Variants in ZFYVE27 observed in about 807,000 individuals in gnomAD.
ZFYVE27 encodes zinc finger FYVE-type containing 27, also known as protrudin.
In ZFYVE27, 36 loss-of-function variants were observed where a neutral mutation model predicts 52.8. That is an observed-to-expected ratio of 0.68 (90% CI 0.52 to 0.90). The LOEUF is 0.90. Among genes scored for constraint, ZFYVE27 ranks in the 40% least tolerant of loss-of-function variants. The pLI, the probability that ZFYVE27 is intolerant of heterozygous loss-of-function variation, is 0.00. For missense variants in ZFYVE27, 450 were observed against 527.2 expected, an observed-to-expected ratio of 0.85 and a Z score of 1.43; for synonymous variants, 223 against 215.6, an observed-to-expected ratio of 1.03 and a Z score of -0.30.
intron 2 of ZFYVE27, 59 bp downstream of exon 2, chr10:97,738,733 T>C: frequency 6.3e-7 from 1 of 1,587,552 alleles, no homozygotes; most frequent in Non-Finnish European, 8.6e-7. Flanking sequence ...TGCTCTGTAG[T>C]AACTAACACT....
intron 3 of ZFYVE27, among the ~76,000 whole-genome samples, chr10:97,743,904 A>G (rs1463168233): frequency 6.6e-6 from 1 of 152,218 alleles, no homozygotes; most frequent in African/African-American, 2.4e-5. Flanking sequence ...TCAGGGTGAG[A>G]ATAAAGAGTC....
At chr10:97,752,058 T>A (rs966003226) in intron 8 of ZFYVE27, among the ~76,000 whole-genome samples, 1 of 152,216 alleles carries the variant, frequency 6.6e-6, no homozygotes, top group African/African-American at 2.4e-5. Context: ...CTGGTAGTCC[T>A]GAGTCTGCAG....
At chr10:97,749,014 G>C (rs1236811163) in intron 5 of ZFYVE27, among the ~76,000 whole-genome samples, 1 of 152,122 alleles carries the variant, frequency 6.6e-6, no homozygotes, top group African/African-American at 2.4e-5. Context: ...TGTTCACCTG[G>C]TGCCAGGCAC....
At chr10:97,739,696 G>A (rs1193484756) in intron 2 of ZFYVE27, among the ~76,000 whole-genome samples, 3 of 152,096 alleles carry the variant, frequency 2.0e-5, no homozygotes, top group Admixed American at 1.3e-4. Flanking sequence ...TGCATTGTTT[G>A]TACTTATTAT....
intron 8 of ZFYVE27, 103 bp downstream of exon 8, chr10:97,751,565 A>G: frequency 8.7e-7 from 1 of 1,147,614 alleles, no homozygotes; most frequent in Non-Finnish European, 1.3e-6. Context: ...TGAGAAGCTA[A>G]AACTTGCTGT....
chr10:97,749,322 G>A (rs954835197), intron 5 of ZFYVE27, 152 bp from the exon 6 acceptor site: 28 of 703,206 alleles, frequency 4.0e-5, no homozygotes, highest in Admixed American at 1.2e-4. Flanking sequence ...AGTCTTCATC[G>A]CCATTTTCCG....
At chr10:97,748,461 C>A in intron 5 of ZFYVE27, 97 bp downstream of exon 5, 1 of 1,257,560 alleles carries the variant, frequency 8.0e-7, no homozygotes, top group Non-Finnish European at 1.1e-6. Context: ...GCCCCTCTTA[C>A]CTCAGGGGAA....
At chr10:97,744,700 T>C in intron 3 of ZFYVE27, 29 bp from the exon 4 acceptor site, 1 of 1,612,134 alleles carries the variant, frequency 6.2e-7, no homozygotes, top group Non-Finnish European at 8.5e-7. Flanking sequence ...TGCTTACCTG[T>C]GTTACCTGCA....
chr10:97,750,254 C>T (rs1348227354), intron 6 of ZFYVE27, 77 bp from the exon 7 acceptor site: 1 of 1,574,052 alleles, frequency 6.4e-7, no homozygotes, highest in Admixed American at 1.7e-5. Context: ...CAGCCAGCTG[C>T]AGAAGTGGGT....
At chr10:97,751,991 T>G (rs1187431312) in intron 8 of ZFYVE27, among the ~76,000 whole-genome samples, 1 of 152,246 alleles carries the variant, frequency 6.6e-6, no homozygotes, top group Non-Finnish European at 1.5e-5. Flanking sequence ...AATAATTTTT[T>G]GAGCCAATGT....
At chr10:97,753,869 C>T (rs531236185) in intron 10 of ZFYVE27, among the ~76,000 whole-genome samples, 6 of 152,334 alleles carry the variant, frequency 3.9e-5, no homozygotes, top group Non-Finnish European at 7.3e-5. Flanking sequence ...TTCACCTCTC[C>T]CCAGCCAGTC....
chr10:97,753,274 T>A, intron 10 of ZFYVE27, 92 bp downstream of exon 10: 1 of 1,511,626 alleles, frequency 6.6e-7, no homozygotes, highest in Non-Finnish European at 8.9e-7. Flanking sequence ...GGGCAGAGTC[T>A]CAGAACTGTG....
chr10:97,740,549 A>G (rs2043344407), intron 2 of ZFYVE27, among the ~76,000 whole-genome samples: 1 of 152,126 alleles, frequency 6.6e-6, no homozygotes, highest in South Asian at 2.1e-4. Flanking sequence ...CTTTTCCTCT[A>G]CTAGTCCGTA....
intron 11 of ZFYVE27, 150 bp downstream of exon 11, chr10:97,757,461 C>T (rs2136377206): frequency 7.6e-7 from 1 of 1,323,796 alleles, no homozygotes. Flanking sequence ...TCCCCTGCGC[C>T]TGTGCCACCT....
intron 7 of ZFYVE27, 70 bp from the exon 8 acceptor site, chr10:97,751,321 G>GAGGT: frequency 3.9e-6 from 6 of 1,550,684 alleles, no homozygotes; most frequent in Non-Finnish European, 5.3e-6. Context: ...CTGGCTTGGG[G>GAGGT]AGGTGGTCCT....
At chr10:97,743,648 C>A (rs2044371601) in intron 3 of ZFYVE27, among the ~76,000 whole-genome samples, 1 of 152,174 alleles carries the variant, frequency 6.6e-6, no homozygotes, top group South Asian at 2.1e-4. Flanking sequence ...GGATGAGGAG[C>A]TGATAAGGGA....
At chr10:97,754,611 G>A (rs376988010) in intron 10 of ZFYVE27, 9 of 1,270,476 alleles carry the variant, frequency 7.1e-6, no homozygotes, top group African/African-American at 4.6e-5. Context: ...CACCACGCCC[G>A]GCCCCTTTGT....
chr10:97,747,523 T>C (rs1346262115), intron 4 of ZFYVE27, among the ~76,000 whole-genome samples: 1 of 152,238 alleles, frequency 6.6e-6, no homozygotes, highest in East Asian at 1.9e-4. Context: ...AGGAAGCTCT[T>C]TCTTACTATT....
intron 2 of ZFYVE27, among the ~76,000 whole-genome samples, chr10:97,739,158 G>T (rs1408158487): frequency 2.7e-5 from 4 of 149,976 alleles, no homozygotes; most frequent in Non-Finnish European, 5.9e-5. Context: ...ATGCAGTCGT[G>T]TGAACATGGC....
Sources: allele counts gnomAD v4.1 joint callset (sites outside exome capture counted in the v4.1 genomes callset), GRCh38; gene constraint gnomAD v4.1.1; transcripts MANE v1.5; gene names NCBI Gene and HGNC (gene_info 2026-07-23, HGNC 2026-07-21).